The following TMEM87A variants were observed in gnomAD, a reference collection of about 807,000 sequenced individuals.
TMEM87A encodes the protein transmembrane protein 87A, also known as Golgi-pH regulating cation channel.
Under a neutral mutation model 90.0 loss-of-function variants are expected in TMEM87A, and 50 were observed. The observed-to-expected ratio is 0.56, with a 90% CI of 0.44 to 0.70. The LOEUF is 0.70. Ranked by LOEUF, TMEM87A falls within the 30% of genes least tolerant of loss-of-function variation. The pLI, the probability that TMEM87A is intolerant of heterozygous loss-of-function variation, is 0.00. For synonymous variants in TMEM87A, 226 were observed against 226.7 expected (o/e 1.00, Z 0.03); for missense variants, 577 against 660.5 (o/e 0.87, Z 1.39).
chr15:42,232,775 C>T (rs969456001), intron 11 of TMEM87A: 1 of 153,734 alleles, frequency 6.5e-6, no homozygotes, highest in African/African-American at 2.4e-5. Flanking sequence ...ATTACACACC[C>T]AGCCTCATTA....
intron 6 of TMEM87A, among the ~76,000 whole-genome samples, chr15:42,251,161 T>C (rs1232493977): frequency 6.6e-6 from 1 of 152,190 alleles, no homozygotes; most frequent in African/African-American, 2.4e-5. Flanking sequence ...TCAAGGTTTT[T>C]AGCTTCCTTG....
At chr15:42,270,649 G>C (rs779514123) in intron 2 of TMEM87A, among the ~76,000 whole-genome samples, 5 of 151,914 alleles carry the variant, frequency 3.3e-5, no homozygotes, top group Non-Finnish European at 5.9e-5. Flanking sequence ...CAAACTACAC[G>C]AGAAAAAAAG....
intron 8 of TMEM87A, 60 bp from the exon 9 acceptor site, chr15:42,237,675 G>A: frequency 7.8e-7 from 1 of 1,274,248 alleles, no homozygotes; most frequent in South Asian, 1.8e-5. Flanking sequence ...CAAGTCTGTA[G>A]ATTTAGAATC....
intron 10 of TMEM87A, among the ~76,000 whole-genome samples, chr15:42,235,574 A>G (rs563101378): frequency 3.3e-5 from 5 of 152,328 alleles, no homozygotes; most frequent in African/African-American, 1.2e-4. Context: ...TTCCTATCAT[A>G]CATCTGATCC....
chr15:42,211,734 G>A lies in TMEM87A; in HGVS notation c.1642C>T (p.His548Tyr). The A allele has an allele frequency of 6.2e-7, 1 of 1,611,612 alleles. No individual in the cohort carries two copies. The highest frequency in any genetic ancestry group is 8.5e-7 in the Non-Finnish European group (1 of 1,179,250). ...LDSDEERMIT[H>Y]FERSKME ...TACTCCATTTTGGACCTTTCAAAGTGTGTGATCATTCGTTCCTAGGGAAAA... is the reference window on the plus strand; with the variant it reads ...TACTCCATTTTGGACCTTTCAAAGTATGTGATCATTCGTTCCTAGGGAAAA... Residue 548 changes from histidine (H) to tyrosine (Y), a missense_variant, in exon 20 of 20, where the codon CAC becomes TAC. By Grantham distance (83) the His-to-Tyr change is moderately conservative. Transcript: ENST00000389834.
At chr15:42,244,254 A>C in intron 6 of TMEM87A, 87 bp from the exon 7 acceptor site, 1 of 875,842 alleles carries the variant, frequency 1.1e-6, no homozygotes, top group Non-Finnish European at 1.8e-6. Context: ...TTGCTCCAGA[A>C]TGTGCCCAGA....
At chr15:42,250,042 T>A (rs948716447) in intron 6 of TMEM87A, among the ~76,000 whole-genome samples, 2 of 152,206 alleles carry the variant, frequency 1.3e-5, no homozygotes, top group African/African-American at 4.8e-5. Flanking sequence ...TCTCTTTTGA[T>A]CTTTGTTGGT....
intron 8 of TMEM87A, among the ~76,000 whole-genome samples, chr15:42,238,073 C>T (rs1434028172): frequency 2.7e-5 from 4 of 150,642 alleles, no homozygotes; most frequent in Non-Finnish European, 5.9e-5. Flanking sequence ...ATAAAAGGTG[C>T]TCTCTATTAT....
chr15:42,243,102 TAAAAAATACAAA>T (rs2050901987), intron 7 of TMEM87A, among the ~76,000 whole-genome samples: 1 of 151,628 alleles, frequency 6.6e-6, no homozygotes, highest in African/African-American at 2.4e-5. Context: ...CCGTCTCCAC[TAAAAAATACAAA>T]AAAATTAGCT....
chr15:42,244,251 A>G, intron 6 of TMEM87A, 84 bp from the exon 7 acceptor site: 1 of 914,526 alleles, frequency 1.1e-6, no homozygotes, highest in East Asian at 2.8e-5. Flanking sequence ...ATTTTGCTCC[A>G]GAATGTGCCC....
intron 10 of TMEM87A, among the ~76,000 whole-genome samples, chr15:42,233,760 T>C (rs901066299): frequency 1.3e-5 from 2 of 152,200 alleles, no homozygotes; most frequent in Non-Finnish European, 2.9e-5. Flanking sequence ...GGTATTTCAA[T>C]GGCTACAAAA....
chr15:42,210,954 C>T lies in TMEM87A; in HGVS notation c.*754G>A, dbSNP rs760256987. 2 of 152,558 alleles carry T rather than the reference C, an allele frequency of 1.3e-5. No individual in the cohort carries two copies. Among genetic ancestry groups the T allele is most frequent in the East Asian group, 1.9e-4 (1 of 5,196 alleles). The allele number at this position is 152,558 out of a possible 1,614,324, so 9.5% of individuals were successfully genotyped here. On this transcript the variant is annotated 3_prime_UTR_variant, in exon 20 of 20. Transcript: ENST00000389834. ...CTTACAAAACAGTAGTTAAAAGTTT[C>T]GGAGTGTGCACCACATTGCCAGCAA... is the stretch of plus-strand genomic sequence containing the variant.
intron 3 of TMEM87A, among the ~76,000 whole-genome samples, chr15:42,264,699 A>ATATATATATATATATTTT (rs10681614): frequency 4.0e-4 from 44 of 109,436 alleles, no homozygotes; most frequent in African/African-American, 1.3e-3. Flanking sequence ...ATATATATAT[A>ATATATATATATATATTTT]TTTTTTTTTT....
intron 1 of TMEM87A, chr15:42,272,763 C>T (rs562411679): frequency 2.8e-6 from 1 of 352,798 alleles, no homozygotes; most frequent in African/African-American, 2.1e-5. Flanking sequence ...TCTAGTCACA[C>T]AGTAAAGCTT....
chr15:42,259,289 A>AT (rs1472395887), intron 6 of TMEM87A, among the ~76,000 whole-genome samples: 2 of 152,052 alleles, frequency 1.3e-5, no homozygotes, highest in African/African-American at 2.4e-5. Context: ...CACCTGCCTA[A>AT]TTTTTGTATT....
In TMEM87A at chr15:42,264,193, ACTT is replaced by A; in HGVS notation, c.299_301del (p.Glu100del). The A allele has an allele frequency of 6.2e-7, 1 of 1,611,600 alleles. No homozygotes were observed. Reference sequence around the variant, plus strand: ...CTTAAGTTTTTCCAAATACAACTCTACTTCTTCTGCCTGGAAAAAGAGATAATA... The same window carrying A: ...CTTAAGTTTTTCCAAATACAACTCTACTTCTGCCTGGAAAAAGAGATAATA... On this transcript the variant is annotated inframe_deletion, in exon 4 of 20. Coordinates refer to ENST00000389834, the MANE Select transcript of TMEM87A (RefSeq NM_015497.5).
rs2050438942 is a variant in TMEM87A at position 42,219,661 on chromosome 15, A to C, written c.1478-19T>G. ...ATTCCTTCTGTAGAAGAAAATAAATATACACTGTTTAACTTTGTGAACAGA... is the reference window on the plus strand; with the variant it reads ...ATTCCTTCTGTAGAAGAAAATAAATCTACACTGTTTAACTTTGTGAACAGA... On this transcript the variant is annotated intron_variant, in intron 16 of 19. Transcript: ENST00000389834. 2 of 1,547,072 alleles carry C rather than the reference A, an allele frequency of 1.3e-6. No individual in the cohort carries two copies. Among genetic ancestry groups the C allele is most frequent in the African/African-American group, 1.4e-5 (1 of 73,302 alleles).
chr15:42,212,945 C>G (rs979633044), intron 19 of TMEM87A, among the ~76,000 whole-genome samples: 2 of 152,206 alleles, frequency 1.3e-5, no homozygotes, highest in Non-Finnish European at 2.9e-5. Context: ...GCCCTGGACA[C>G]TCCTTCCCTC....
chr15:42,238,436 G>T (rs965913004), intron 8 of TMEM87A, among the ~76,000 whole-genome samples: 1 of 152,092 alleles, frequency 6.6e-6, no homozygotes, highest in Non-Finnish European at 1.5e-5. Flanking sequence ...CAGGCATGGT[G>T]GTGCGCACCT....
Sources: gnomAD v4.1 joint callset for allele counts (sites outside exome capture counted in the v4.1 genomes callset) on GRCh38, gnomAD v4.1.1 for gene constraint, MANE v1.5 for transcripts, NCBI Gene and HGNC (gene_info 2026-07-23, HGNC 2026-07-21) for gene names.